The following DPYD variants were observed in gnomAD, a reference collection of about 807,000 sequenced individuals.
The protein encoded by DPYD is dihydropyrimidine dehydrogenase.
A neutral mutation model predicts 116.2 loss-of-function variants in DPYD; 109 were observed. The ratio of observed to expected loss-of-function variants is 0.94; its 90% CI spans 0.80 to 1.10. The LOEUF (loss-of-function observed/expected upper bound fraction) is 1.10. Ranked by LOEUF, DPYD falls within the 50% of genes least tolerant of loss-of-function variation. DPYD has a pLI of 0.00. For missense variants in DPYD, 1,302 were observed against 1,254.5 expected (o/e 1.04, Z -0.57); for synonymous variants, 440 against 432.0 (o/e 1.02, Z -0.23).
At chr1:97,834,775 A>G (rs2101509193) in intron 2 of DPYD, among the ~76,000 whole-genome samples, 2 of 151,902 alleles carry the variant, frequency 1.3e-5, no homozygotes, top group Non-Finnish European at 2.9e-5. Flanking sequence ...AAAAAAAAAA[A>G]TGAGTCAATT....
At chr1:97,140,665 C>T (rs138072553) in intron 20 of DPYD, among the ~76,000 whole-genome samples, 61 of 152,202 alleles carry the variant, frequency 4.0e-4, no homozygotes, top group African/African-American at 8.7e-4. Flanking sequence ...TAATCACAGA[C>T]GACCTAAGCA....
chr1:97,841,880 C>T (rs1670056345), intron 2 of DPYD, among the ~76,000 whole-genome samples: 1 of 151,806 alleles, frequency 6.6e-6, no homozygotes, highest in Non-Finnish European at 1.5e-5. Flanking sequence ...AAGAAATTTT[C>T]CTGTATTTCA....
At chr1:97,101,091 T>C (rs1196086707) in intron 20 of DPYD, among the ~76,000 whole-genome samples, 1 of 148,764 alleles carries the variant, frequency 6.7e-6, no homozygotes, top group Non-Finnish European at 1.5e-5. Flanking sequence ...TTTTTTTTAA[T>C]TGAAAGCAAA....
At chr1:97,705,663 T>C (rs1661903145) in intron 5 of DPYD, among the ~76,000 whole-genome samples, 1 of 152,136 alleles carries the variant, frequency 6.6e-6, no homozygotes, top group East Asian at 1.9e-4. Flanking sequence ...ATGGGATGGC[T>C]GGGTCAAATG....
intron 2 of DPYD, among the ~76,000 whole-genome samples, chr1:97,874,810 T>C (rs1424245646): frequency 6.6e-6 from 1 of 151,950 alleles, no homozygotes; most frequent in African/African-American, 2.4e-5. Flanking sequence ...TTCTGCCTTC[T>C]CTCTGTACAT....
At position 97,427,649 on chromosome 1, in the gene DPYD, A is replaced by G. The variant is rs146730881; in HGVS notation, c.1905+22410T>C. The stretch of plus-strand genomic sequence containing the variant: ...GCTCCCAGCAGTGGTCTGTTCCCAT[A>G]GTTAACCTCACAGAACAAGATAAAG... On this transcript the variant is annotated intron_variant, in intron 14 of 22. Transcript: ENST00000370192. 9.2e-3 allele frequency among the ~76,000 whole-genome samples: 1,403 copies of G among 151,874 alleles called. 8 individuals carry two copies. The highest frequency in any genetic ancestry group is 0.014 in the Non-Finnish European group (949 of 67,906).
chr1:97,186,292 T>A (rs574860246), intron 20 of DPYD, among the ~76,000 whole-genome samples: 3 of 152,284 alleles, frequency 2.0e-5, no homozygotes, highest in Non-Finnish European at 2.9e-5. Flanking sequence ...GTTACATGGA[T>A]ATATTGCATA....
chr1:97,830,883 C>T (rs747763785), intron 2 of DPYD, among the ~76,000 whole-genome samples: 6 of 152,160 alleles, frequency 3.9e-5, no homozygotes, highest in East Asian at 1.9e-4. Context: ...TGAGTAGAAG[C>T]GGCAACCTTA....
At position 97,146,688 on chromosome 1, in the gene DPYD, T is replaced by G. The variant is rs531763095; in HGVS notation, c.2622+46381A>C. On this transcript the variant is annotated intron_variant, in intron 20 of 22. Coordinates refer to ENST00000370192, the MANE Select transcript of DPYD (RefSeq NM_000110.4). ...TTTTTGTGTGTGTGATCAGGAGGCA[T>G]GATGTGAGACAGAGACATATAAAAG... 2.6e-4 allele frequency among the ~76,000 whole-genome samples: 40 copies of G among 152,300 alleles called. No homozygotes were observed. In the South Asian group the frequency reaches 8.3e-3, roughly 32 times the overall value.
Position 97,637,931 on chromosome 1 carries a change from G to C in DPYD, c.850+41164C>G, listed in dbSNP as rs79786244. On this transcript the variant is annotated intron_variant, in intron 8 of 22. Transcript: ENST00000370192. Reference sequence around the variant, plus strand: ...TTGACAAGGTCTCTTTTGCTTGAAGGGTGCGCTAAATGCAATACGTTGTGC... The same window carrying C: ...TTGACAAGGTCTCTTTTGCTTGAAGCGTGCGCTAAATGCAATACGTTGTGC... 8.3e-3 allele frequency among the ~76,000 whole-genome samples: 1,266 copies of C among 152,140 alleles called. 20 individuals are homozygous for C. The highest frequency in any genetic ancestry group is 0.029 in the African/African-American group (1,189 of 41,508).
chr1:97,335,690 C>T (rs748496228), intron 16 of DPYD, among the ~76,000 whole-genome samples: 1 of 152,156 alleles, frequency 6.6e-6, no homozygotes, highest in Non-Finnish European at 1.5e-5. Context: ...TTACCTTTTC[C>T]ACTCAGCCAA....
chr1:97,121,605 G>A (rs369330331), intron 20 of DPYD, among the ~76,000 whole-genome samples: 13 of 152,262 alleles, frequency 8.5e-5, no homozygotes, highest in South Asian at 8.3e-4. Context: ...GTTGATGCAT[G>A]TAACAACTCT....
At chr1:97,819,294 A>G (rs1020969341) in intron 3 of DPYD, among the ~76,000 whole-genome samples, 17 of 151,980 alleles carry the variant, frequency 1.1e-4, no homozygotes, top group Admixed American at 7.2e-4. Flanking sequence ...GAAAACTTGG[A>G]AAAACATAAT....
At chr1:97,815,414 G>A (rs1057280547) in intron 3 of DPYD, among the ~76,000 whole-genome samples, 2 of 152,192 alleles carry the variant, frequency 1.3e-5, no homozygotes, top group Non-Finnish European at 2.9e-5. Flanking sequence ...GGAGGACATA[G>A]CTGCCAAGGA....
chr1:97,568,566 C>T (rs77148614), intron 11 of DPYD, among the ~76,000 whole-genome samples: 1 of 152,008 alleles, frequency 6.6e-6, no homozygotes, highest in Non-Finnish European at 1.5e-5. Context: ...AGAGACCCCA[C>T]TCTCAGCCAA....
intron 8 of DPYD, among the ~76,000 whole-genome samples, chr1:97,617,689 G>A (rs1656375489): frequency 2.0e-5 from 3 of 152,106 alleles, no homozygotes. Flanking sequence ...ACTAGGTGGA[G>A]TGCATACCTG....
chr1:97,814,921 A>AAGAG lies in DPYD; in HGVS notation c.233+13192_233+13193insCTCT, dbSNP rs1557982371. ...CCTGTCTCAAAAAAAAAAAAAAAAA[A>AAGAG]GAAAGAGAGAGGAAAGAAAGAAAGA... On this transcript the variant is annotated intron_variant, in intron 3 of 22. Coordinates refer to ENST00000370192, the MANE Select transcript of DPYD (RefSeq NM_000110.4). Among the ~76,000 whole-genome samples, 58 of 19,700 alleles carry AAGAG rather than the reference A, an allele frequency of 2.9e-3. 2 individuals are homozygous for AAGAG. The highest frequency in any genetic ancestry group is 9.1e-3 in the South Asian group (3 of 330). 12.9% of individuals were successfully genotyped at this position (19,700 alleles called of 152,430 possible).
intron 6 of DPYD, among the ~76,000 whole-genome samples, chr1:97,697,150 G>C (rs1434178850): frequency 6.6e-6 from 1 of 152,088 alleles, no homozygotes; most frequent in Non-Finnish European, 1.5e-5. Context: ...GCCACTGTTA[G>C]AGGAAAGCAA....
chr1:97,811,604 A>T (rs1400407424), intron 3 of DPYD, among the ~76,000 whole-genome samples: 1 of 152,172 alleles, frequency 6.6e-6, no homozygotes, highest in East Asian at 1.9e-4. Context: ...CCCCTTGCAC[A>T]TAAAAAATAA....
Sources: allele counts gnomAD v4.1 joint callset (sites outside exome capture counted in the v4.1 genomes callset), GRCh38; gene constraint gnomAD v4.1.1; transcripts MANE v1.5; gene names NCBI Gene and HGNC (gene_info 2026-07-23, HGNC 2026-07-21).